Variants in NOL4 observed in about 807,000 individuals in gnomAD.
The protein encoded by NOL4 is nucleolar protein 4.
A neutral mutation model predicts 75.9 loss-of-function variants in NOL4; 17 were observed. The ratio of observed to expected loss-of-function variants is 0.22; its 90% CI spans 0.15 to 0.34. The LOEUF is 0.34. NOL4 is among the 10% of genes least tolerant of loss of function. The pLI, the probability that NOL4 is intolerant of heterozygous loss-of-function variation, is 1.00. For missense variants in NOL4, 614 were observed against 793.5 expected, an observed-to-expected ratio of 0.77 and a Z score of 2.72; for synonymous variants, 292 against 289.9, an observed-to-expected ratio of 1.01 and a Z score of -0.07.
At position 33,868,791 on chromosome 18, in the gene NOL4, A is replaced by G. The variant is rs570513793; in HGVS notation, c.1723+14453T>C. Among the ~76,000 whole-genome samples the G allele has an allele frequency of 3.4e-4, 52 of 152,092 alleles. No individual in the cohort carries two copies. The South Asian group carries it at 0.011, about 31-fold the overall frequency. ...CAGAAACACTGATGCCTCATAAGGT[A>G]AGACACATGAATTAGTGAAGAATTA... On this transcript the variant is annotated intron_variant, in intron 10 of 10. Transcript: ENST00000261592.
intron 5 of NOL4, among the ~76,000 whole-genome samples, chr18:34,041,955 T>C (rs2076159151): frequency 6.6e-6 from 1 of 152,012 alleles, no homozygotes; most frequent in African/African-American, 2.4e-5. Flanking sequence ...TAATAATCTT[T>C]AAACAGTTTT....
At chr18:34,019,735 G>C in intron 5 of NOL4, 134 bp from the exon 6 acceptor site, 2 of 747,306 alleles carry the variant, frequency 2.7e-6, no homozygotes, top group Admixed American at 5.9e-5. Flanking sequence ...TCAGCAATAA[G>C]CTTGTAAAGC....
At chr18:34,116,218 A>C (rs1029082453) in intron 2 of NOL4, among the ~76,000 whole-genome samples, 1 of 152,102 alleles carries the variant, frequency 6.6e-6, no homozygotes, top group African/African-American at 2.4e-5. Flanking sequence ...CCAGTGACAA[A>C]CTTATCCACC....
intron 2 of NOL4, among the ~76,000 whole-genome samples, chr18:34,118,225 A>T (rs2079954378): frequency 1.3e-5 from 2 of 152,196 alleles, no homozygotes; most frequent in African/African-American, 4.8e-5. Context: ...GTTTTTGGCA[A>T]ATATCAAACT....
intron 4 of NOL4, among the ~76,000 whole-genome samples, chr18:34,097,411 A>C (rs1051072013): frequency 6.6e-6 from 1 of 152,134 alleles, no homozygotes; most frequent in African/African-American, 2.4e-5. Context: ...CCCACATATC[A>C]GACCTAGAAT....
intron 6 of NOL4, among the ~76,000 whole-genome samples, chr18:33,991,943 G>T (rs1277254477): frequency 6.8e-6 from 1 of 148,014 alleles, no homozygotes; most frequent in Non-Finnish European, 1.5e-5. Context: ...CTAGGTTTTT[G>T]TACTTTTGAT....
At chr18:34,084,861 C>T (rs1409588460) in intron 5 of NOL4, among the ~76,000 whole-genome samples, 3 of 152,164 alleles carry the variant, frequency 2.0e-5, no homozygotes, top group Admixed American at 1.3e-4. Flanking sequence ...GCAACACCAG[C>T]TTCAAAGCCC....
intron 1 of NOL4, among the ~76,000 whole-genome samples, chr18:34,176,618 G>A (rs896647791): frequency 1.3e-5 from 2 of 151,992 alleles, no homozygotes; most frequent in Non-Finnish European, 2.9e-5. Context: ...ATAAGAATGG[G>A]CTCTCATAAT....
chr18:34,024,748 G>A (rs1424913387), intron 5 of NOL4, among the ~76,000 whole-genome samples: 4 of 152,020 alleles, frequency 2.6e-5, no homozygotes, highest in South Asian at 2.1e-4. Context: ...AGTATATTTC[G>A]AATAATAGAT....
chr18:34,181,234 T>C (rs781423804), intron 1 of NOL4, among the ~76,000 whole-genome samples: 4 of 151,592 alleles, frequency 2.6e-5, no homozygotes, highest in Non-Finnish European at 5.9e-5. Context: ...TGTAGATCAA[T>C]GGAATGTAAT....
intron 1 of NOL4, among the ~76,000 whole-genome samples, chr18:34,197,009 C>A (rs967759158): frequency 6.6e-6 from 1 of 151,828 alleles, no homozygotes; most frequent in African/African-American, 2.4e-5. Flanking sequence ...CTTCTGTTTT[C>A]TTTTAGGAGT....
At chr18:34,046,602 T>TTATATATATATATATATATA (rs2076375551) in intron 5 of NOL4, among the ~76,000 whole-genome samples, 1 of 32,098 alleles carries the variant, frequency 3.1e-5, no homozygotes, top group Non-Finnish European at 6.7e-5. Flanking sequence ...TACTATTTAC[T>TTATATATATATATATATATA]TATACATATA....
intron 5 of NOL4, among the ~76,000 whole-genome samples, chr18:34,092,802 G>C (rs879278686): frequency 1.3e-5 from 2 of 152,160 alleles, no homozygotes; most frequent in Non-Finnish European, 2.9e-5. Flanking sequence ...TACAAAGGTA[G>C]TGTTCAAAGA....
chr18:34,222,416 T>A, intron 1 of NOL4: 9 of 1,124,720 alleles, frequency 8.0e-6, no homozygotes, highest in Non-Finnish European at 9.8e-6. Context: ...TCTCTGGGAG[T>A]GATCGAGGCA....
chr18:34,140,663 C>G (rs148046779), intron 1 of NOL4, among the ~76,000 whole-genome samples: 1 of 152,060 alleles, frequency 6.6e-6, no homozygotes, highest in African/African-American at 2.4e-5. Context: ...TTAATTGGAG[C>G]ATTTAGCCCA....
intron 9 of NOL4, among the ~76,000 whole-genome samples, chr18:33,897,298 T>C (rs2065468774): frequency 6.6e-6 from 1 of 152,028 alleles, no homozygotes; most frequent in Non-Finnish European, 1.5e-5. Context: ...TCATCTACCA[T>C]AAAGATCATG....
intron 6 of NOL4, among the ~76,000 whole-genome samples, chr18:33,991,831 G>A (rs1284178128): frequency 6.6e-6 from 1 of 152,002 alleles, no homozygotes; most frequent in African/African-American, 2.4e-5. Flanking sequence ...TCTGTCATTT[G>A]CAAACCTTTC....
At chr18:33,872,511 A>G (rs2144514318) in intron 10 of NOL4, among the ~76,000 whole-genome samples, 1 of 152,156 alleles carries the variant, frequency 6.6e-6, no homozygotes, top group Middle Eastern at 3.4e-3. Flanking sequence ...AATACAAAGA[A>G]CCTGATGGAA....
intron 5 of NOL4, among the ~76,000 whole-genome samples, chr18:34,080,303 C>T (rs949427495): frequency 6.6e-6 from 1 of 152,110 alleles, no homozygotes; most frequent in Admixed American, 6.6e-5. Context: ...ATCTAATGGC[C>T]TCACCCCTGC....
Sources: allele counts gnomAD v4.1 joint callset (sites outside exome capture counted in the v4.1 genomes callset), GRCh38; gene constraint gnomAD v4.1.1; transcripts MANE v1.5; gene names NCBI Gene and HGNC (gene_info 2026-07-23, HGNC 2026-07-21).